The following ADRB1 variants were observed in gnomAD, a reference collection of about 807,000 sequenced individuals.
The protein encoded by ADRB1 is adrenoceptor beta 1.
For missense variants in ADRB1, 635 were observed against 709.1 expected, an observed-to-expected ratio of 0.90 and a Z score of 1.19; for synonymous variants, 365 against 347.2, an observed-to-expected ratio of 1.05 and a Z score of -0.57.
Position 114,045,800 on chromosome 10 carries a change from C to CTTTTTTTTTTTTTTT in ADRB1, c.*242_*256dup, listed in dbSNP as rs34635547. ...TTTTTCTTTTCTTTTCTTTCTTCTT[C>CTTTTTTTTTTTTTTT]TTTTTTTTTTTTTTTTTTTTTTCTG... is the stretch of plus-strand genomic sequence containing the variant. On this transcript the variant is annotated 3_prime_UTR_variant, in exon 1 of 1. Coordinates refer to ENST00000369295, the MANE Select transcript of ADRB1 (RefSeq NM_000684.3). The CTTTTTTTTTTTTTTT allele has an allele frequency of 4.5e-4, 54 of 118,740 alleles. No individual in the cohort carries two copies. Among genetic ancestry groups the CTTTTTTTTTTTTTTT allele is most frequent in the African/African-American group, 8.2e-4 (17 of 20,710 alleles). The allele number at this position is 118,740 out of a possible 1,614,324, so 7.4% of individuals were successfully genotyped here.
In ADRB1 at chr10:114,046,250, G is replaced by T. The variant is rs1306460858; in HGVS notation, c.*684G>T. ...AACCCGCTGTCCCCCGCGCGCCTGGGTGGTCAGGCTGAGGGATTTCTACCT... is the reference window on the plus strand; with the variant it reads ...AACCCGCTGTCCCCCGCGCGCCTGGTTGGTCAGGCTGAGGGATTTCTACCT... On this transcript the variant is annotated 3_prime_UTR_variant, in exon 1 of 1. Coordinates refer to ENST00000369295, the MANE Select transcript of ADRB1 (RefSeq NM_000684.3). The T allele has an allele frequency of 6.0e-6, 1 of 167,110 alleles. No homozygotes were observed. The highest frequency in any genetic ancestry group is 1.9e-4 in the East Asian group (1 of 5,206). 10.4% of individuals were successfully genotyped at this position (167,110 alleles called of 1,614,324 possible).
chr10:114,044,914 G>C lies in ADRB1; in HGVS notation c.782G>C (p.Cys261Ser). The stretch of plus-strand genomic sequence containing the variant: ...AAGCAGGTGAAGAAGATCGACAGCT[G>C]CGAGCGCCGTTTCCTCGGCGGCCCA... ...AQKQVKKIDS[C>S]ERRFLGGPAR... is the part of the protein sequence containing the mutation. Residue 261 changes from cysteine (C) to serine (S), a missense_variant, in exon 1 of 1, where the codon TGC becomes TCC. Cys to Ser is a moderately radical substitution (Grantham distance 112). Coordinates refer to ENST00000369295, the MANE Select transcript of ADRB1 (RefSeq NM_000684.3). The surrounding 1 kb of genome is among the most constrained non-coding windows in gnomAD (Gnocchi z 7.8). The C allele has an allele frequency of 6.3e-7, 1 of 1,587,640 alleles. No individual in the cohort carries two copies. Among genetic ancestry groups the C allele is most frequent in the Non-Finnish European group, 8.6e-7 (1 of 1,165,244 alleles).
In ADRB1 at chr10:114,045,584, G is replaced by C; in HGVS notation, c.*18G>C. ...AGGTGTAGGGCCCGGCGCGGGGCGC[G>C]GACTCCGGGCACGGCTTCCCAGGGG... On this transcript the variant is annotated 3_prime_UTR_variant, in exon 1 of 1. Coordinates refer to ENST00000369295, the MANE Select transcript of ADRB1 (RefSeq NM_000684.3). 7.8e-7 allele frequency: 1 copy of C among 1,274,828 alleles called. No individual in the cohort carries two copies. Among genetic ancestry groups the C allele is most frequent in the Non-Finnish European group, 1.0e-6 (1 of 1,003,092 alleles). 79.0% of individuals were successfully genotyped at this position (1,274,828 alleles called of 1,614,324 possible).
In ADRB1 at chr10:114,044,109, C is replaced by T. The variant is rs1171219977; in HGVS notation, c.-24C>T. The T allele has an allele frequency of 1.6e-6, 2 of 1,253,126 alleles. No homozygotes were observed. The highest frequency in any genetic ancestry group is 1.0e-6 in the Non-Finnish European group (1 of 1,003,846). The allele number at this position is 1,253,126 out of a possible 1,614,324, so 77.6% of individuals were successfully genotyped here. A position where few individuals can be genotyped will look rare whatever the true frequency, so the allele number is the denominator to read the frequency against. On this transcript the variant is annotated 5_prime_UTR_variant, in exon 1 of 1. Transcript: ENST00000369295. The surrounding 1 kb of genome is among the most constrained non-coding windows in gnomAD (Gnocchi z 7.8). Reference sequence around the variant, plus strand: ...CACGGCCCAGCCCTGCCACACCCCCCGCCCCCGGCCTCCGCAGCTCGGCAT... The same window carrying T: ...CACGGCCCAGCCCTGCCACACCCCCTGCCCCCGGCCTCCGCAGCTCGGCAT...
rs1847525446 is a variant in ADRB1 at position 114,044,161 on chromosome 10, C to T, written c.29C>T (p.Ala10Val). 5.2e-6 allele frequency: 7 copies of T among 1,345,342 alleles called. No homozygotes were observed. The highest frequency in any genetic ancestry group is 3.8e-5 in the South Asian group (2 of 52,264). The allele number at this position is 1,345,342 out of a possible 1,614,324, so 83.3% of individuals were successfully genotyped here. Residue 10 changes from alanine (A) to valine (V), a missense_variant, in exon 1 of 1, where the codon GCC (alanine) becomes GTC (valine). By Grantham distance (64) the Ala-to-Val change is moderately conservative (BLOSUM62 0). Coordinates refer to ENST00000369295, the MANE Select transcript of ADRB1 (RefSeq NM_000684.3). This position sits in a 1 kb window ranked among gnomAD's most constrained non-coding sequence, Gnocchi z 7.8. ...GGCGCGGGGGTGCTCGTCCTGGGCG[C>T]CTCCGAGCCCGGTAACCTGTCGTCG... MGAGVLVLG[A>V]SEPGNLSSAA...
chr10:114,045,195 C>G lies in ADRB1; in HGVS notation c.1063C>G (p.Pro355Ala). 6.3e-7 allele frequency: 1 copy of G among 1,598,210 alleles called. No homozygotes were observed. The highest frequency in any genetic ancestry group is 8.5e-7 in the Non-Finnish European group (1 of 1,172,028). The change falls in exon 1 of 1, where the codon CCC (proline) becomes GCC (alanine). Residue 355 changes from proline (P) to alanine (A), a missense_variant. Pro to Ala is a conservative substitution (Grantham distance 27). Transcript: ENST00000369295. ...GAAGGCCTTCCACCGCGAGCTGGTG[C>G]CCGACCGCCTCTTCGTCTTCTTCAA... ...VVKAFHRELV[P>A]DRLFVFFNWL...
At position 114,044,201 on chromosome 10, in the gene ADRB1, C is replaced by T. The variant is rs1431000244; in HGVS notation, c.69C>T (p.Pro23=). 7.9e-6 allele frequency: 11 copies of T among 1,391,494 alleles called. No homozygotes were observed. Among genetic ancestry groups the T allele is most frequent in the South Asian group, 1.7e-5 (1 of 60,554 alleles). 86.2% of individuals were successfully genotyped at this position (1,391,494 alleles called of 1,614,324 possible). Residue 23 remains proline (P), a synonymous_variant, in exon 1 of 1, where the codon CCC becomes CCT. Coordinates refer to ENST00000369295, the MANE Select transcript of ADRB1 (RefSeq NM_000684.3). This position sits in a 1 kb window ranked among gnomAD's most constrained non-coding sequence, Gnocchi z 7.8. ...PGNLSSAAPL[P]DGAATAARLL... ...ACCTGTCGTCGGCCGCACCGCTCCC[C>T]GACGGCGCGGCCACCGCGGCGCGGC...
In ADRB1 at chr10:114,044,971, T is replaced by C. The variant is rs1564886989; in HGVS notation, c.839T>C (p.Val280Ala). The C allele has an allele frequency of 6.3e-6, 7 of 1,117,916 alleles. No homozygotes were observed. The highest frequency in any genetic ancestry group is 4.7e-5 in the East Asian group (1 of 21,194). 69.2% of individuals were successfully genotyped at this position (1,117,916 alleles called of 1,614,324 possible). A position where few individuals can be genotyped will look rare whatever the true frequency, so the allele number is the denominator to read the frequency against. Residue 280 changes from valine (V) to alanine (A), a missense_variant, in exon 1 of 1, where the codon GTC becomes GCC. Val to Ala is a moderately conservative substitution (Grantham distance 64). Coordinates refer to ENST00000369295, the MANE Select transcript of ADRB1 (RefSeq NM_000684.3). The surrounding 1 kb of genome is among the most constrained non-coding windows in gnomAD (Gnocchi z 7.8). ...CCGCCCTCGCCCTCGCCCTCGCCCG[T>C]CCCCGCGCCCGCGCCGCCGCCCGGA... The part of the protein sequence containing the change: ...ARPPSPSPSP[V>A]PAPAPPPGPP...
Position 114,044,424 on chromosome 10 carries a change from A to G in ADRB1, c.292A>G (p.Met98Val). ...RLQTLTNLFI[M>V]SLASADLVMG... ...GCAGACGCTCACCAACCTCTTCATC[A>G]TGTCCCTGGCCAGCGCCGACCTGGT... Residue 98 changes from methionine to valine, a missense_variant, in exon 1 of 1, where the codon ATG becomes GTG. Met to Val is a conservative substitution (Grantham distance 21, BLOSUM62 1). Transcript: ENST00000369295. This position sits in a 1 kb window ranked among gnomAD's most constrained non-coding sequence, Gnocchi z 7.8. 3 of 1,612,252 alleles carry G rather than the reference A, an allele frequency of 1.9e-6. No homozygotes were observed. Among genetic ancestry groups the G allele is most frequent in the Non-Finnish European group, 2.5e-6 (3 of 1,179,892 alleles).
chr10:114,044,310 G>A lies in ADRB1; in HGVS notation c.178G>A (p.Gly60Ser). 6.3e-7 allele frequency: 1 copy of A among 1,597,078 alleles called. No homozygotes were observed. Among genetic ancestry groups the A allele is most frequent in the East Asian group, 2.2e-5 (1 of 44,756 alleles). ...PEPLSQQWTA[G>S]MGLLMALIVL... ...GCCGCTGTCTCAGCAGTGGACAGCGGGCATGGGTCTGCTGATGGCGCTCAT... is the reference window on the plus strand; with the variant it reads ...GCCGCTGTCTCAGCAGTGGACAGCGAGCATGGGTCTGCTGATGGCGCTCAT... Residue 60 changes from glycine to serine, a missense_variant, in exon 1 of 1, where the codon GGC (glycine) becomes AGC (serine). Coordinates refer to ENST00000369295, the MANE Select transcript of ADRB1 (RefSeq NM_000684.3). This position sits in a 1 kb window ranked among gnomAD's most constrained non-coding sequence, Gnocchi z 7.8.
rs141633952 is a variant in ADRB1, at chr10:114,045,197, C to T, written c.1065C>T (p.Pro355=). The T allele has an allele frequency of 6.3e-7, 1 of 1,598,166 alleles. No homozygotes were observed. The highest frequency in any genetic ancestry group is 2.3e-5 in the East Asian group (1 of 43,924). The change falls in exon 1 of 1, where the codon CCC becomes CCT. Residue 355 remains proline (P), a synonymous_variant. Coordinates refer to ENST00000369295, the MANE Select transcript of ADRB1 (RefSeq NM_000684.3). ...AGGCCTTCCACCGCGAGCTGGTGCC[C>T]GACCGCCTCTTCGTCTTCTTCAACT... ...VVKAFHRELV[P]DRLFVFFNWL... is the part of the protein sequence containing the mutation.
rs1467413413 is a variant in ADRB1, at chr10:114,043,930, G to C, written c.-203G>C. 2 of 250,764 alleles carry C rather than the reference G, an allele frequency of 8.0e-6. No individual in the cohort carries two copies. The highest frequency in any genetic ancestry group is 7.0e-6 in the Non-Finnish European group (1 of 142,654). 15.5% of individuals were successfully genotyped at this position (250,764 alleles called of 1,614,324 possible). A position where few individuals can be genotyped will look rare whatever the true frequency, so the allele number is the denominator to read the frequency against. On this transcript the variant is annotated 5_prime_UTR_variant, in exon 1 of 1. Transcript: ENST00000369295. ...CAGCGGCTCCAGCAGCAGCGGCGGC[G>C]GCGGCGGCGGCGGCAGCGGCAGCGA...
chr10:114,044,024 A>T lies in ADRB1; in HGVS notation c.-109A>T. The T allele has an allele frequency of 1.1e-6, 1 of 886,888 alleles. No individual in the cohort carries two copies. Among genetic ancestry groups the T allele is most frequent in the African/African-American group, 1.8e-5 (1 of 55,816 alleles). The allele number at this position is 886,888 out of a possible 1,614,324, so 54.9% of individuals were successfully genotyped here. On this transcript the variant is annotated 5_prime_UTR_variant, in exon 1 of 1. The change abolishes the stop of an existing upstream ORF in the 5' untranslated region. Transcript: ENST00000369295. This position sits in a 1 kb window ranked among gnomAD's most constrained non-coding sequence, Gnocchi z 7.8. ...CCGGCCCCGCGCCGCGGCTGCCCTG[A>T]CCCGGCCGCGACCTCCCTCTGCGCA...
rs1260803285 is a variant in ADRB1, at chr10:114,044,652, C to T, written c.520C>T (p.Arg174Trp). The part of the protein sequence containing the change: ...FRYQSLLTRA[R>W]ARGLVCTVWA... ...CTACCAGAGCCTGCTGACGCGCGCG[C>T]GGGCGCGGGGCCTCGTGTGCACCGT... The change falls in exon 1 of 1, where the codon CGG becomes TGG. Residue 174 changes from arginine (R) to tryptophan (W), a missense_variant. Transcript: ENST00000369295. The surrounding 1 kb of genome is among the most constrained non-coding windows in gnomAD (Gnocchi z 7.8). The T allele has an allele frequency of 1.2e-6, 2 of 1,612,656 alleles. No homozygotes were observed. Among genetic ancestry groups the T allele is most frequent in the South Asian group, 1.1e-5 (1 of 91,072 alleles).
rs763364212 is a variant in ADRB1 at position 114,044,844 on chromosome 10, T to C, written c.712T>C (p.Cys238Arg). 1.9e-6 allele frequency: 3 copies of C among 1,613,772 alleles called. No homozygotes were observed. The highest frequency in any genetic ancestry group is 2.5e-6 in the Non-Finnish European group (3 of 1,179,904). Residue 238 changes from cysteine (C) to arginine (R), a missense_variant, in exon 1 of 1, where the codon TGC becomes CGC. Physicochemically the swap from Cys to Arg is radical, Grantham distance 180. Coordinates refer to ENST00000369295, the MANE Select transcript of ADRB1 (RefSeq NM_000684.3). This position sits in a 1 kb window ranked among gnomAD's most constrained non-coding sequence, Gnocchi z 7.8. Reference sequence around the variant, plus strand: ...CGTAGTCTCCTTCTACGTGCCCCTGTGCATCATGGCCTTCGTGTACCTGCG... The same window carrying C: ...CGTAGTCTCCTTCTACGTGCCCCTGCGCATCATGGCCTTCGTGTACCTGCG... ...SSVVSFYVPLCIMAFVYLRVF... is the reference protein window; with the variant it reads ...SSVVSFYVPLRIMAFVYLRVF...
chr10:114,046,397 A>T lies in ADRB1; in HGVS notation c.*831A>T, dbSNP rs1016292431. ...CTCTCTGTGACATGTGACTCTGTCA[A>T]TTGAAGACAGGACATTAAAAGAGAG... On this transcript the variant is annotated 3_prime_UTR_variant, in exon 1 of 1. Coordinates refer to ENST00000369295, the MANE Select transcript of ADRB1 (RefSeq NM_000684.3). 1 of 167,144 alleles carries T rather than the reference A, an allele frequency of 6.0e-6. No individual in the cohort carries two copies. The highest frequency in any genetic ancestry group is 1.5e-5 in the Non-Finnish European group (1 of 68,122). 10.4% of individuals were successfully genotyped at this position (167,144 alleles called of 1,614,324 possible).
chr10:114,044,032 G>A lies in ADRB1; in HGVS notation c.-101G>A. 1 of 993,264 alleles carries A rather than the reference G, an allele frequency of 1.0e-6. No individual in the cohort carries two copies. Among genetic ancestry groups the A allele is most frequent in the Non-Finnish European group, 1.3e-6 (1 of 786,210 alleles). The allele number at this position is 993,264 out of a possible 1,614,324, so 61.5% of individuals were successfully genotyped here. A position where few individuals can be genotyped will look rare whatever the true frequency, so the allele number is the denominator to read the frequency against. ...GCGCCGCGGCTGCCCTGACCCGGCCGCGACCTCCCTCTGCGCACCACGCCG... is the reference window on the plus strand; with the variant it reads ...GCGCCGCGGCTGCCCTGACCCGGCCACGACCTCCCTCTGCGCACCACGCCG... On this transcript the variant is annotated 5_prime_UTR_variant, in exon 1 of 1. Coordinates refer to ENST00000369295, the MANE Select transcript of ADRB1 (RefSeq NM_000684.3). The surrounding 1 kb of genome is among the most constrained non-coding windows in gnomAD (Gnocchi z 7.8).
Position 114,046,309 on chromosome 10 carries a change from T to G in ADRB1, c.*743T>G, listed in dbSNP as rs1233183206. The G allele has an allele frequency of 6.0e-6, 1 of 167,140 alleles. No homozygotes were observed. Among genetic ancestry groups the G allele is most frequent in the East Asian group, 1.9e-4 (1 of 5,200 alleles). 10.4% of individuals were successfully genotyped at this position (167,140 alleles called of 1,614,324 possible). On this transcript the variant is annotated 3_prime_UTR_variant, in exon 1 of 1. Transcript: ENST00000369295. The stretch of plus-strand genomic sequence containing the variant: ...GCATTTGCACAGCAGATAGAAAGAC[T>G]TGTTTATATTAAACAGCTTATTTAT...
At position 114,045,584 on chromosome 10, in the gene ADRB1, G is replaced by A. The variant is rs372627850; in HGVS notation, c.*18G>A. Reference sequence around the variant, plus strand: ...AGGTGTAGGGCCCGGCGCGGGGCGCGGACTCCGGGCACGGCTTCCCAGGGG... The same window carrying A: ...AGGTGTAGGGCCCGGCGCGGGGCGCAGACTCCGGGCACGGCTTCCCAGGGG... On this transcript the variant is annotated 3_prime_UTR_variant, in exon 1 of 1. Transcript: ENST00000369295. 1.3e-5 allele frequency: 16 copies of A among 1,274,828 alleles called. No individual in the cohort carries two copies. The Middle Eastern group carries it at 6.2e-4, about 50-fold the overall frequency. The allele number at this position is 1,274,828 out of a possible 1,614,324, so 79.0% of individuals were successfully genotyped here. A position where few individuals can be genotyped will look rare whatever the true frequency, so the allele number is the denominator to read the frequency against.
Sources: gnomAD v4.1 joint callset for allele counts on GRCh38, gnomAD v4.1.1 for gene constraint, Gnocchi (gnomAD v3.1) non-coding constraint, MANE v1.5 for transcripts, NCBI Gene and HGNC (gene_info 2026-07-23, HGNC 2026-07-21) for gene names.